Variants in NPAS2 observed in about 807,000 individuals in gnomAD.
NPAS2 encodes neuronal PAS domain protein 2.
Under a neutral mutation model 107.5 loss-of-function variants are expected in NPAS2, and 23 were observed. That is an observed-to-expected ratio of 0.21 (90% CI 0.15 to 0.30). NPAS2 has a LOEUF of 0.30. Among genes scored for constraint, NPAS2 ranks in the 10% least tolerant of loss-of-function variants. The pLI is 1.00. For synonymous variants in NPAS2, 403 were observed against 417.5 expected, an observed-to-expected ratio of 0.97 and a Z score of 0.42; for missense variants, 756 against 1,043.3, an observed-to-expected ratio of 0.72 and a Z score of 3.79.
intron 1 of NPAS2, chr2:100,821,128 A>G (rs779835426): frequency 2.3e-6 from 3 of 1,304,610 alleles, no homozygotes; most frequent in Admixed American, 4.6e-5. Flanking sequence ...TAACCAGGGA[A>G]GGGACAGGCA....
intron 7 of NPAS2, among the ~76,000 whole-genome samples, chr2:100,950,919 A>G (rs1675184558): frequency 6.6e-6 from 1 of 152,236 alleles, no homozygotes; most frequent in African/African-American, 2.4e-5. Flanking sequence ...AAAGAAGTAA[A>G]TGGAAGCTCT....
chr2:100,865,548 C>G (rs1679199433), intron 1 of NPAS2, among the ~76,000 whole-genome samples: 1 of 152,182 alleles, frequency 6.6e-6, no homozygotes, highest in Non-Finnish European at 1.5e-5. Flanking sequence ...GTCGGGTAAC[C>G]TGGCCACACC....
chr2:100,972,024 T>C (rs980659956), intron 12 of NPAS2, among the ~76,000 whole-genome samples: 3 of 151,440 alleles, frequency 2.0e-5, no homozygotes, highest in Non-Finnish European at 4.4e-5. Context: ...CTCGGCTCAC[T>C]GCAAACTCCA....
intron 2 of NPAS2, 28 bp from the exon 3 acceptor site, chr2:100,925,118 C>A: frequency 6.3e-7 from 1 of 1,593,716 alleles, no homozygotes; most frequent in South Asian, 1.1e-5. Flanking sequence ...TGGAATGTTC[C>A]AGTAACCTGC....
chr2:100,881,710 G>A (rs1015797201), intron 1 of NPAS2, among the ~76,000 whole-genome samples: 3 of 151,730 alleles, frequency 2.0e-5, no homozygotes, highest in Non-Finnish European at 2.9e-5. Flanking sequence ...TGCTGCTGTC[G>A]ATCTTTATTT....
chr2:100,885,922 A>G (rs1256243838), intron 1 of NPAS2, among the ~76,000 whole-genome samples: 3 of 152,180 alleles, frequency 2.0e-5, no homozygotes, highest in African/African-American at 4.8e-5. Flanking sequence ...CAGCCTCCCA[A>G]AGTACTGGGA....
intron 17 of NPAS2, chr2:100,989,544 C>T (rs150421450): frequency 6.6e-6 from 1 of 152,330 alleles, no homozygotes; most frequent in East Asian, 1.9e-4. Flanking sequence ...AGAATGAGAG[C>T]ACTGTGTTAT....
At chr2:100,882,377 A>ATG (rs1680407250) in intron 1 of NPAS2, among the ~76,000 whole-genome samples, 1 of 152,204 alleles carries the variant, frequency 6.6e-6, no homozygotes, top group South Asian at 2.1e-4. Flanking sequence ...TGGGAGGCCA[A>ATG]GGTGGGCGGA....
At chr2:100,987,441 A>G (rs1245474112) in intron 16 of NPAS2, 1 of 152,312 alleles carries the variant, frequency 6.6e-6, no homozygotes, top group East Asian at 1.9e-4. Flanking sequence ...TTTAAAGTGC[A>G]TGGACTTAAT....
intron 15 of NPAS2, among the ~76,000 whole-genome samples, chr2:100,978,018 A>T (rs1223550152): frequency 6.6e-6 from 1 of 151,600 alleles, no homozygotes; most frequent in African/African-American, 2.4e-5. Context: ...TTCTTTTTTT[A>T]AATTTCAGTA....
In NPAS2 at chr2:100,975,498, T is replaced by C. The variant is rs1226063382; in HGVS notation, c.1323T>C (p.Ala441=). 6.2e-7 allele frequency: 1 copy of C among 1,613,606 alleles called. No homozygotes were observed. Among genetic ancestry groups the C allele is most frequent in the Admixed American group, 1.7e-5 (1 of 59,954 alleles). The part of the protein sequence containing the change: ...TKLMAEASTP[A]LPRSATLPQE... ...TGATGGCAGAGGCCAGCACCCCGGCTTTGCCAAGATCAGCCACCCTGCCCC... is the reference window on the plus strand; with the variant it reads ...TGATGGCAGAGGCCAGCACCCCGGCCTTGCCAAGATCAGCCACCCTGCCCC... The change falls in exon 14 of 21, where the codon GCT becomes GCC. Residue 441 remains alanine (A), a synonymous_variant. Coordinates refer to ENST00000335681, the MANE Select transcript of NPAS2 (RefSeq NM_002518.4).
intron 7 of NPAS2, among the ~76,000 whole-genome samples, chr2:100,960,588 C>A (rs942550939): frequency 8.6e-5 from 13 of 152,044 alleles, no homozygotes; most frequent in Admixed American, 7.9e-4. Context: ...CTGCAGCAGG[C>A]CTCCTGCTGA....
intron 1 of NPAS2, among the ~76,000 whole-genome samples, chr2:100,868,841 T>C (rs116658789): frequency 4.9e-4 from 75 of 152,342 alleles, no homozygotes; most frequent in African/African-American, 1.8e-3. Flanking sequence ...AAATTTCAAA[T>C]TGCTTGGTCT....
chr2:100,965,623 T>C lies in NPAS2; in HGVS notation c.801-37T>C, dbSNP rs749932307. 1 of 1,407,368 alleles carries C rather than the reference T, an allele frequency of 7.1e-7. No homozygotes were observed. The highest frequency in any genetic ancestry group is 1.2e-5 in the South Asian group (1 of 85,788). The allele number at this position is 1,407,368 out of a possible 1,614,324, so 87.2% of individuals were successfully genotyped here. On this transcript the variant is annotated intron_variant, in intron 9 of 20. Coordinates refer to ENST00000335681, the MANE Select transcript of NPAS2 (RefSeq NM_002518.4). The surrounding 1 kb of genome is among the most constrained non-coding windows in gnomAD (Gnocchi z 4.3). ...ACCAGGGTGAGCCCTGCAGGGTGTCTCCTCCCTGATGACAAGTCCTCCTTG... is the reference window on the plus strand; with the variant it reads ...ACCAGGGTGAGCCCTGCAGGGTGTCCCCTCCCTGATGACAAGTCCTCCTTG...
chr2:100,964,813 G>T, intron 8 of NPAS2, 48 bp from the exon 9 acceptor site: 1 of 1,168,818 alleles, frequency 8.6e-7, no homozygotes. Context: ...CCTAGGGTGA[G>T]CATCTGGCAC....
chr2:100,984,265 T>G (rs1183396352), intron 16 of NPAS2: 3 of 152,262 alleles, frequency 2.0e-5, no homozygotes, highest in Non-Finnish European at 2.9e-5. Context: ...CCTTGTTTTT[T>G]TGTAAGACTT....
Position 100,957,663 on chromosome 2 carries a change from G to A in NPAS2, c.599-6395G>A, listed in dbSNP as rs148031931. Among the ~76,000 whole-genome samples the A allele has an allele frequency of 5.7e-3, 864 of 152,264 alleles. 10 individuals carry two copies. The highest frequency in any genetic ancestry group is 0.02 in the African/African-American group (812 of 41,554). On this transcript the variant is annotated intron_variant, in intron 7 of 20. Coordinates refer to ENST00000335681, the MANE Select transcript of NPAS2 (RefSeq NM_002518.4). The stretch of plus-strand genomic sequence containing the variant: ...AAGGTCCTGCCGGGCGCGGTGGCTC[G>A]CGCCTGTAATCCCAGCACTTTGGGA...
chr2:100,925,448 T>TATCA, intron 3 of NPAS2, 154 bp downstream of exon 3: 1 of 720,882 alleles, frequency 1.4e-6, no homozygotes. Flanking sequence ...CTCCACCCTC[T>TATCA]ATCAGCCCGT....
At chr2:100,940,585 C>T (rs1184779752) in intron 5 of NPAS2, among the ~76,000 whole-genome samples, 1 of 152,286 alleles carries the variant, frequency 6.6e-6, no homozygotes, top group African/African-American at 2.4e-5. Context: ...CGCATAGAAC[C>T]GTGCCTGGCC....
Sources: gnomAD v4.1 joint callset for allele counts (sites outside exome capture counted in the v4.1 genomes callset) on GRCh38, gnomAD v4.1.1 for gene constraint, Gnocchi (gnomAD v3.1) non-coding constraint, MANE v1.5 for transcripts, NCBI Gene and HGNC (gene_info 2026-07-23, HGNC 2026-07-21) for gene names.